ARHGAP18: variants seen among roughly 807,000 people sequenced by gnomAD.
The protein encoded by ARHGAP18 is rho GTPase-activating protein 18.
In ARHGAP18, 67 loss-of-function variants were observed where a neutral mutation model predicts 86.2. The observed-to-expected ratio is 0.78, with a 90% CI of 0.64 to 0.95. The LOEUF (loss-of-function observed/expected upper bound fraction) is 0.95. Among genes scored for constraint, ARHGAP18 ranks in the 40% least tolerant of loss-of-function variants. ARHGAP18 has a pLI of 0.00. For missense variants in ARHGAP18, 691 were observed against 780.4 expected, an observed-to-expected ratio of 0.89 and a Z score of 1.37; for synonymous variants, 283 against 280.4, an observed-to-expected ratio of 1.01 and a Z score of -0.09.
At chr6:129,579,590 T>C (rs2114422321) in intron 14 of ARHGAP18, among the ~76,000 whole-genome samples, 1 of 152,336 alleles carries the variant, frequency 6.6e-6, no homozygotes, top group African/African-American at 2.4e-5. Context: ...GTTAATTCAT[T>C]CCATTTTTTA....
intron 10 of ARHGAP18, among the ~76,000 whole-genome samples, chr6:129,604,405 C>A (rs1463002159): frequency 6.6e-6 from 1 of 152,176 alleles, no homozygotes; most frequent in Non-Finnish European, 1.5e-5. Flanking sequence ...CCTACAACTA[C>A]TTGAACTCAT....
At chr6:129,600,279 A>T (rs894309937) in intron 11 of ARHGAP18, among the ~76,000 whole-genome samples, 2 of 152,184 alleles carry the variant, frequency 1.3e-5, no homozygotes, top group African/African-American at 2.4e-5. Flanking sequence ...AACAGAGGAA[A>T]CCATTTTTGA....
intron 12 of ARHGAP18, among the ~76,000 whole-genome samples, chr6:129,596,008 CATT>C (rs985278639): frequency 2.0e-5 from 3 of 152,150 alleles, no homozygotes; most frequent in African/African-American, 4.8e-5. Flanking sequence ...TCTGAACCAC[CATT>C]ATCTCTTACC....
intron 1 of ARHGAP18, among the ~76,000 whole-genome samples, chr6:129,691,382 T>C (rs533388290): frequency 6.6e-6 from 1 of 152,354 alleles, no homozygotes; most frequent in African/African-American, 2.4e-5. Flanking sequence ...AGCATCTCCA[T>C]GGAAAGATCT....
At chr6:129,653,466 T>C (rs1773758974) in intron 1 of ARHGAP18, among the ~76,000 whole-genome samples, 4 of 152,328 alleles carry the variant, frequency 2.6e-5, no homozygotes, top group African/African-American at 4.8e-5. Flanking sequence ...AGTGTTTTTA[T>C]ATGCAAGGTA....
At chr6:129,580,043 A>C in intron 14 of ARHGAP18, 27 bp downstream of exon 14, 2 of 1,570,856 alleles carry the variant, frequency 1.3e-6, no homozygotes, top group Non-Finnish European at 1.8e-6. Flanking sequence ...CAGCATATAA[A>C]ATGTAAAGAG....
intron 4 of ARHGAP18, 50 bp from the exon 5 acceptor site, chr6:129,629,572 T>TA (rs766012932): frequency 7.7e-6 from 12 of 1,550,938 alleles, no homozygotes; most frequent in South Asian, 2.4e-5. Context: ...ATTTATTTTT[T>TA]AAAAAAAATT....
At chr6:129,580,450 C>T (rs1473700924) in intron 13 of ARHGAP18, among the ~76,000 whole-genome samples, 1 of 152,198 alleles carries the variant, frequency 6.6e-6, no homozygotes, top group Non-Finnish European at 1.5e-5. Flanking sequence ...TGATTATCCA[C>T]TTTGTATACA....
At chr6:129,686,787 C>CT (rs1562724822) in intron 1 of ARHGAP18, among the ~76,000 whole-genome samples, 1 of 136,422 alleles carries the variant, frequency 7.3e-6, no homozygotes, top group Non-Finnish European at 1.7e-5. Context: ...CCTAATAAAA[C>CT]CTTTTTTTTT....
intron 1 of ARHGAP18, among the ~76,000 whole-genome samples, chr6:129,686,910 C>T (rs1351212717): frequency 1.3e-5 from 2 of 151,366 alleles, no homozygotes; most frequent in Non-Finnish European, 2.9e-5. Context: ...CCTGCCTCAG[C>T]CTCCGGAGTA....
chr6:129,695,851 A>C (rs1219190861), intron 1 of ARHGAP18, among the ~76,000 whole-genome samples: 2 of 152,192 alleles, frequency 1.3e-5, no homozygotes, highest in Non-Finnish European at 2.9e-5. Context: ...TAAGGGAAAA[A>C]CATTGTCCAC....
At chr6:129,663,261 C>G (rs950765577) in intron 1 of ARHGAP18, among the ~76,000 whole-genome samples, 2 of 152,362 alleles carry the variant, frequency 1.3e-5, no homozygotes, top group African/African-American at 4.8e-5. Context: ...CTAAGCTTCA[C>G]AGCTGACTCA....
At position 129,601,492 on chromosome 6, in the gene ARHGAP18, GAGAGAAA is replaced by G. The variant is rs144143013; in HGVS notation, c.1366-651_1366-645del. ...AAAAGGAAAAGAGAAGAGAAGAGAA[GAGAGAAA>G]AGAGAAAAGAGAAAAGAGAGAAGAG... On this transcript the variant is annotated intron_variant, in intron 10 of 14. Transcript: ENST00000368149. Among the ~76,000 whole-genome samples, 304 of 146,654 alleles carry G rather than the reference GAGAGAAA, an allele frequency of 2.1e-3. 2 individuals are homozygous for G. The highest frequency in any genetic ancestry group is 0.011 in the Middle Eastern group (3 of 284).
chr6:129,623,006 C>CAAAAAAAA (rs57274879), intron 5 of ARHGAP18, among the ~76,000 whole-genome samples: 8 of 39,570 alleles, frequency 2.0e-4, no homozygotes, highest in African/African-American at 3.7e-4. Flanking sequence ...CATCTCAAAA[C>CAAAAAAAA]AAAAAAAAAA....
At chr6:129,636,334 T>C (rs1773333415) in intron 3 of ARHGAP18, among the ~76,000 whole-genome samples, 1 of 152,204 alleles carries the variant, frequency 6.6e-6, no homozygotes, top group Admixed American at 6.5e-5. Context: ...ATAAAATGTC[T>C]ACAAAAAGCA....
chr6:129,595,478 G>A (rs1788599882), intron 12 of ARHGAP18, among the ~76,000 whole-genome samples: 1 of 152,176 alleles, frequency 6.6e-6, no homozygotes, highest in Non-Finnish European at 1.5e-5. Context: ...TCTGAGTCCA[G>A]TGAAGAGCAT....
At chr6:129,651,465 C>T (rs763152797) in intron 1 of ARHGAP18, among the ~76,000 whole-genome samples, 3 of 152,266 alleles carry the variant, frequency 2.0e-5, no homozygotes, top group Non-Finnish European at 4.4e-5. Flanking sequence ...GCCTTACTCT[C>T]TGGTTGGGTG....
rs553982839 is a variant in ARHGAP18, at chr6:129,625,066, T to G, written c.786+4287A>C. Among the ~76,000 whole-genome samples, 98 of 100,100 alleles carry G rather than the reference T, an allele frequency of 9.8e-4. 3 individuals carry two copies. The highest frequency in any genetic ancestry group is 4.8e-3 in the Middle Eastern group (1 of 208). 65.7% of individuals were successfully genotyped at this position (100,100 alleles called of 152,430 possible). A position where few individuals can be genotyped will look rare whatever the true frequency, so the allele number is the denominator to read the frequency against. On this transcript the variant is annotated intron_variant, in intron 5 of 14. Transcript: ENST00000368149. Reference sequence around the variant, plus strand: ...ATAATATATATGATTGATATATATTTATATATAATATATATGATATATGAT... The same window carrying G: ...ATAATATATATGATTGATATATATTGATATATAATATATATGATATATGAT...
chr6:129,696,373 G>T (rs1250625059), intron 1 of ARHGAP18, among the ~76,000 whole-genome samples: 1 of 152,162 alleles, frequency 6.6e-6, no homozygotes, highest in South Asian at 2.1e-4. Context: ...TTAAAAGAGT[G>T]TCTCGTTTCT....
Sources: allele counts gnomAD v4.1 joint callset (sites outside exome capture counted in the v4.1 genomes callset), GRCh38; gene constraint gnomAD v4.1.1; transcripts MANE v1.5; gene names NCBI Gene and HGNC (gene_info 2026-07-23, HGNC 2026-07-21).